The following ADAMTS12 variants were observed in gnomAD, a reference collection of about 807,000 sequenced individuals.
ADAMTS12 encodes ADAM metallopeptidase with thrombospondin type 1 motif 12.
Under a neutral mutation model 167.8 loss-of-function variants are expected in ADAMTS12, and 118 were observed. That is an observed-to-expected ratio of 0.70 (90% CI 0.61 to 0.82). ADAMTS12 has a LOEUF of 0.82. ADAMTS12 is among the 40% of genes least tolerant of loss of function. ADAMTS12 has a pLI of 0.00. For missense variants in ADAMTS12, 1,916 were observed against 1,998.8 expected, an observed-to-expected ratio of 0.96 and a Z score of 0.79; for synonymous variants, 704 against 716.9, an observed-to-expected ratio of 0.98 and a Z score of 0.29.
rs80238766 is a variant in ADAMTS12 at position 33,614,395 on chromosome 5, G to T, written c.2389-19C>A. ...ATAGAAGCTAAAAGGCAAGAGAGGG[G>T]TCATGTCAAACTGTCATGACTTTAT... On this transcript the variant is annotated intron_variant, in intron 15 of 23. Transcript: ENST00000504830. 21,491 of 1,612,816 alleles carry T rather than the reference G, an allele frequency of 0.013. 241 individuals carry two copies. Among genetic ancestry groups the T allele is most frequent in the African/African-American group, 0.061 (4,599 of 74,972 alleles).
chr5:33,527,214 A>T lies in ADAMTS12; in HGVS notation c.4759T>A (p.Leu1587Met), dbSNP rs763349870. Residue 1587 changes from leucine to methionine, a missense_variant, in exon 24 of 24, where the codon TTG (leucine) becomes ATG (methionine). By Grantham distance (15) the Leu-to-Met change is conservative (BLOSUM62 2). Coordinates refer to ENST00000504830, the MANE Select transcript of ADAMTS12 (RefSeq NM_030955.4). ...THTQRQRRQR[L>M]LQKSKEL is the part of the protein sequence containing the mutation. ...TAGAGTTCTTTTGACTTTTGGAGCA[A>T]CCGTTGCCTTCTTTGCCTTTGGGTG... 3 of 1,614,098 alleles carry T rather than the reference A, an allele frequency of 1.9e-6. No individual in the cohort carries two copies. Among genetic ancestry groups the T allele is most frequent in the Non-Finnish European group, 1.7e-6 (2 of 1,180,016 alleles).
chr5:33,574,435 A>G (rs1158489177), intron 19 of ADAMTS12, among the ~76,000 whole-genome samples: 1 of 152,236 alleles, frequency 6.6e-6, no homozygotes, highest in Non-Finnish European at 1.5e-5. Flanking sequence ...TGATGAGTTC[A>G]TGTCCTTTGT....
intron 3 of ADAMTS12, among the ~76,000 whole-genome samples, chr5:33,687,712 G>C (rs1388795157): frequency 1.3e-5 from 2 of 152,034 alleles, no homozygotes; most frequent in Non-Finnish European, 2.9e-5. Flanking sequence ...GGACTGAGCT[G>C]GGGGAGAGGA....
chr5:33,639,908 T>C (rs1388576171), intron 11 of ADAMTS12, among the ~76,000 whole-genome samples: 5 of 152,216 alleles, frequency 3.3e-5, no homozygotes, highest in African/African-American at 4.8e-5. Flanking sequence ...GCAGTTCACA[T>C]AGTAGGCTCT....
intron 3 of ADAMTS12, among the ~76,000 whole-genome samples, chr5:33,719,553 G>A (rs999403700): frequency 2.0e-5 from 3 of 152,176 alleles, no homozygotes; most frequent in Non-Finnish European, 2.9e-5. Context: ...CAAGATGATC[G>A]AGTGGCTCAG....
intron 16 of ADAMTS12, among the ~76,000 whole-genome samples, chr5:33,605,842 C>T (rs901166838): frequency 6.6e-6 from 1 of 152,172 alleles, no homozygotes; most frequent in African/African-American, 2.4e-5. Flanking sequence ...AAATTTCTCA[C>T]ATTTATAGAT....
intron 17 of ADAMTS12, among the ~76,000 whole-genome samples, chr5:33,589,014 C>T (rs1347574971): frequency 6.6e-6 from 1 of 152,204 alleles, no homozygotes; most frequent in African/African-American, 2.4e-5. Context: ...CTGGCATGAG[C>T]TGTTGCTAAA....
chr5:33,843,220 C>T (rs959969517), intron 2 of ADAMTS12, among the ~76,000 whole-genome samples: 1 of 152,180 alleles, frequency 6.6e-6, no homozygotes. Flanking sequence ...TCTGCATAGG[C>T]ATGATACATG....
chr5:33,667,250 G>A (rs1276951672), intron 5 of ADAMTS12, among the ~76,000 whole-genome samples: 6 of 150,194 alleles, frequency 4.0e-5, no homozygotes, highest in Admixed American at 2.7e-4. Context: ...CCCAAGAGGC[G>A]GAGGTTGCAG....
intron 18 of ADAMTS12, among the ~76,000 whole-genome samples, chr5:33,586,043 T>C (rs1407075674): frequency 6.6e-6 from 1 of 152,200 alleles, no homozygotes; most frequent in African/African-American, 2.4e-5. Flanking sequence ...TTTGGATAAG[T>C]AACTTTACAG....
At chr5:33,548,702 G>GCACACACACACA (rs55980424) in intron 21 of ADAMTS12, among the ~76,000 whole-genome samples, 275 of 148,972 alleles carry the variant, frequency 1.8e-3, no homozygotes, top group Middle Eastern at 3.4e-3. Flanking sequence ...CATAAAGAGA[G>GCACACACACACA]CACACACACA....
intron 2 of ADAMTS12, among the ~76,000 whole-genome samples, chr5:33,777,225 A>C (rs2112434992): frequency 6.6e-6 from 1 of 152,284 alleles, no homozygotes; most frequent in Non-Finnish European, 1.5e-5. Context: ...ACTAGAAGAA[A>C]AGAAAATGAC....
At chr5:33,623,809 T>A (rs1329770144) in intron 14 of ADAMTS12, among the ~76,000 whole-genome samples, 3 of 152,226 alleles carry the variant, frequency 2.0e-5, no homozygotes, top group African/African-American at 7.2e-5. Context: ...CTGTCCTCAC[T>A]ACAGAATCTG....
intron 2 of ADAMTS12, among the ~76,000 whole-genome samples, chr5:33,814,790 T>C (rs1458486484): frequency 1.3e-5 from 2 of 152,226 alleles, no homozygotes; most frequent in Non-Finnish European, 2.9e-5. Flanking sequence ...TCAGTGACAA[T>C]GATAAGTCAA....
At chr5:33,749,260 T>A (rs1235873203) in intron 3 of ADAMTS12, among the ~76,000 whole-genome samples, 1 of 152,152 alleles carries the variant, frequency 6.6e-6, no homozygotes, top group Non-Finnish European at 1.5e-5. Flanking sequence ...AAACAAGGTG[T>A]ATATTCAAGG....
chr5:33,555,207 C>G (rs1365936073), intron 20 of ADAMTS12, among the ~76,000 whole-genome samples: 1 of 152,130 alleles, frequency 6.6e-6, no homozygotes, highest in Non-Finnish European at 1.5e-5. Flanking sequence ...ATTATTATCT[C>G]TTACTACATT....
intron 13 of ADAMTS12, among the ~76,000 whole-genome samples, chr5:33,627,367 G>T (rs916182738): frequency 7.6e-6 from 1 of 131,506 alleles, no homozygotes; most frequent in African/African-American, 3.3e-5. Flanking sequence ...GATGGTGGTG[G>T]TGTTGATGGT....
At chr5:33,793,607 CT>C (rs906561419) in intron 2 of ADAMTS12, among the ~76,000 whole-genome samples, 3 of 152,114 alleles carry the variant, frequency 2.0e-5, no homozygotes, top group East Asian at 1.9e-4. Flanking sequence ...TTTACCCAAA[CT>C]TTTTTTTCTT....
At chr5:33,746,763 A>C (rs1193466440) in intron 3 of ADAMTS12, among the ~76,000 whole-genome samples, 1 of 152,234 alleles carries the variant, frequency 6.6e-6, no homozygotes, top group Non-Finnish European at 1.5e-5. Context: ...TAAAGCCTAT[A>C]ATCAGTTGGC....
Sources: allele counts gnomAD v4.1 joint callset (sites outside exome capture counted in the v4.1 genomes callset), GRCh38; gene constraint gnomAD v4.1.1; transcripts MANE v1.5; gene names NCBI Gene and HGNC (gene_info 2026-07-23, HGNC 2026-07-21).